The following PLCXD3 variants were observed in gnomAD, a reference collection of about 807,000 sequenced individuals.
The protein encoded by PLCXD3 is PI-PLC X domain-containing protein 3.
PLCXD3 carries 19 observed loss-of-function variants against 25.5 expected under a neutral mutation model. That is an observed-to-expected ratio of 0.75 (90% CI 0.52 to 1.09). PLCXD3 has a LOEUF of 1.09. PLCXD3 is among the 50% of genes least tolerant of loss of function. The pLI is 0.00. For missense variants in PLCXD3, 411 were observed against 388.1 expected (o/e 1.06, Z -0.50); for synonymous variants, 174 against 137.6 (o/e 1.26, Z -1.85).
At chr5:41,403,398 G>GTTTTTTTTTTTTTTGTTTTTGTTT (rs764950342) in intron 1 of PLCXD3, among the ~76,000 whole-genome samples, 10 of 33,996 alleles carry the variant, frequency 2.9e-4, no homozygotes, top group East Asian at 1.8e-3. Context: ...TGACTTATTT[G>GTTTTTTTTTTTTTTGTTTTTGTTT]TTGTTTTTTT....
intron 2 of PLCXD3, among the ~76,000 whole-genome samples, chr5:41,348,153 G>A (rs373663769): frequency 5.3e-5 from 8 of 152,118 alleles, no homozygotes; most frequent in Non-Finnish European, 1.0e-4. Context: ...TATTAGCCCC[G>A]TTTACTAAAT....
intron 2 of PLCXD3, among the ~76,000 whole-genome samples, chr5:41,328,017 C>T (rs1230389721): frequency 1.3e-5 from 2 of 151,936 alleles, no homozygotes; most frequent in Admixed American, 6.6e-5. Context: ...CTTGCAAGAC[C>T]TCAGTGACTA....
At chr5:41,425,791 G>A (rs532711014) in intron 1 of PLCXD3, among the ~76,000 whole-genome samples, 1 of 152,276 alleles carries the variant, frequency 6.6e-6, no homozygotes, top group South Asian at 2.1e-4. Context: ...TTTCTTCGAT[G>A]TGTTTTCATA....
At chr5:41,437,616 T>C (rs1747284877) in intron 1 of PLCXD3, among the ~76,000 whole-genome samples, 2 of 152,094 alleles carry the variant, frequency 1.3e-5, no homozygotes, top group South Asian at 4.1e-4. Context: ...GTTCAAGAAA[T>C]ACAAATAAGC....
chr5:41,394,899 T>G (rs1052599235), intron 1 of PLCXD3, among the ~76,000 whole-genome samples: 3 of 152,148 alleles, frequency 2.0e-5, no homozygotes, highest in African/African-American at 7.2e-5. Flanking sequence ...CACCACACTT[T>G]CAGCATTGGA....
chr5:41,476,082 C>A (rs1168732004), intron 1 of PLCXD3, among the ~76,000 whole-genome samples: 1 of 152,140 alleles, frequency 6.6e-6, no homozygotes, highest in African/African-American at 2.4e-5. Flanking sequence ...CATCATAAAT[C>A]CAGGCAAGTA....
chr5:41,467,827 T>C (rs1486767833), intron 1 of PLCXD3, among the ~76,000 whole-genome samples: 2 of 152,076 alleles, frequency 1.3e-5, no homozygotes, highest in Non-Finnish European at 2.9e-5. Flanking sequence ...CCTGTTCCCA[T>C]TGTGTGTTCT....
At chr5:41,449,907 A>G (rs1747588797) in intron 1 of PLCXD3, among the ~76,000 whole-genome samples, 1 of 152,142 alleles carries the variant, frequency 6.6e-6, no homozygotes, top group Admixed American at 6.6e-5. Flanking sequence ...TAAATATTGA[A>G]GACACCACCT....
At chr5:41,355,111 C>T (rs962197426) in intron 2 of PLCXD3, among the ~76,000 whole-genome samples, 7 of 152,178 alleles carry the variant, frequency 4.6e-5, no homozygotes. Flanking sequence ...TACTCCAAGA[C>T]AAACCTCACT....
chr5:41,483,203 A>T (rs1326184827), intron 1 of PLCXD3, among the ~76,000 whole-genome samples: 1 of 152,204 alleles, frequency 6.6e-6, no homozygotes, highest in Non-Finnish European at 1.5e-5. Context: ...CCAAATACTT[A>T]GGATTAAAGG....
chr5:41,375,043 A>C (rs1256745636), intron 2 of PLCXD3, among the ~76,000 whole-genome samples: 1 of 152,094 alleles, frequency 6.6e-6, no homozygotes, highest in Non-Finnish European at 1.5e-5. Flanking sequence ...TTCCGGGTAC[A>C]GGCAAGGAAA....
chr5:41,394,870 T>C (rs1006654556), intron 1 of PLCXD3, among the ~76,000 whole-genome samples: 1 of 152,116 alleles, frequency 6.6e-6, no homozygotes, highest in East Asian at 1.9e-4. Context: ...CCCAATACAG[T>C]AATAGCTGAA....
chr5:41,385,845 A>G (rs567471478), intron 1 of PLCXD3, among the ~76,000 whole-genome samples: 1 of 152,128 alleles, frequency 6.6e-6, no homozygotes, highest in African/African-American at 2.4e-5. Flanking sequence ...CTGGGAGCAG[A>G]GGTCTTTAGA....
intron 1 of PLCXD3, among the ~76,000 whole-genome samples, chr5:41,412,280 G>A (rs1460560385): frequency 6.6e-6 from 1 of 152,068 alleles, no homozygotes; most frequent in Non-Finnish European, 1.5e-5. Flanking sequence ...TTCAAACATT[G>A]TTTAAATGAT....
chr5:41,336,942 C>T (rs1743999412), intron 2 of PLCXD3, among the ~76,000 whole-genome samples: 1 of 152,146 alleles, frequency 6.6e-6, no homozygotes, highest in Non-Finnish European at 1.5e-5. Context: ...TTCTGGGAAA[C>T]CCAACCTACA....
chr5:41,498,640 C>A (rs1668785123), intron 1 of PLCXD3, among the ~76,000 whole-genome samples: 1 of 151,716 alleles, frequency 6.6e-6, no homozygotes, highest in Non-Finnish European at 1.5e-5. Context: ...GTGTACACTT[C>A]CAAATTCATT....
intron 1 of PLCXD3, among the ~76,000 whole-genome samples, chr5:41,415,294 G>A (rs1746667686): frequency 6.6e-6 from 1 of 152,176 alleles, no homozygotes. Flanking sequence ...CCTCCCAGAA[G>A]TTTTGTATTT....
intron 1 of PLCXD3, among the ~76,000 whole-genome samples, chr5:41,432,870 A>G (rs1181178952): frequency 6.6e-6 from 1 of 152,128 alleles, no homozygotes; most frequent in Non-Finnish European, 1.5e-5. Flanking sequence ...AGACTGATGG[A>G]CCTTTTCTTT....
intron 2 of PLCXD3, among the ~76,000 whole-genome samples, chr5:41,381,357 G>T (rs1391503702): frequency 6.6e-6 from 1 of 152,146 alleles, no homozygotes; most frequent in African/African-American, 2.4e-5. Flanking sequence ...ACATGTGAGT[G>T]TGACATTATT....
Sources: gnomAD v4.1 joint callset for allele counts (sites outside exome capture counted in the v4.1 genomes callset) on GRCh38, gnomAD v4.1.1 for gene constraint, MANE v1.5 for transcripts, NCBI Gene and HGNC (gene_info 2026-07-23, HGNC 2026-07-21) for gene names.